The following MYO7B variants were observed in gnomAD, a reference collection of about 807,000 sequenced individuals.
The protein encoded by MYO7B is unconventional myosin-VIIb.
Under a neutral mutation model 259.7 loss-of-function variants are expected in MYO7B, and 212 were observed. That is an observed-to-expected ratio of 0.82 (90% confidence interval 0.73 to 0.91). MYO7B has a LOEUF of 0.91. MYO7B is among the 40% of genes least tolerant of loss of function. The pLI is 0.00. For missense variants in MYO7B, 2,732 were observed against 2,813.5 expected (o/e 0.97, Z 0.66); for synonymous variants, 1,197 against 1,166.4 (o/e 1.03, Z -0.54).
At chr2:127,603,280 A>G (rs1466796165) in intron 19 of MYO7B, among the ~76,000 whole-genome samples, 1 of 152,206 alleles carries the variant, frequency 6.6e-6, no homozygotes, top group Non-Finnish European at 1.5e-5. Context: ...GAAGGTTTTC[A>G]ATGGACTTTG....
chr2:127,637,573 G>A lies in MYO7B; in HGVS notation c.*156G>A. The A allele has an allele frequency of 1.8e-6, 1 of 564,958 alleles. No individual in the cohort carries two copies. The highest frequency in any genetic ancestry group is 3.0e-6 in the Non-Finnish European group (1 of 333,010). 35.0% of individuals were successfully genotyped at this position (564,958 alleles called of 1,614,324 possible). ...CTCAGCCCCGCAGGCGGCCCCCTCT[G>A]TCCTGGGCGCTGCCCAGGGAGGCCA... On this transcript the variant is annotated 3_prime_UTR_variant, in exon 48 of 48. Transcript: ENST00000409816.
intron 38 of MYO7B, 95 bp downstream of exon 38, chr2:127,631,848 G>C: frequency 1.4e-6 from 2 of 1,460,154 alleles, no homozygotes; most frequent in South Asian, 2.7e-5. Context: ...ACCGCAGCTG[G>C]TGGCGGCAGA....
At chr2:127,625,247 G>A (rs1054570263) in intron 30 of MYO7B, 121 bp from the exon 31 acceptor site, 8 of 1,206,246 alleles carry the variant, frequency 6.6e-6, no homozygotes, top group South Asian at 3.6e-5. Flanking sequence ...GGTCCTGCCC[G>A]AGCCACAGGT....
rs763297441 is a variant in MYO7B, at chr2:127,546,976, C to G, written c.-24+11145C>G. On this transcript the variant is annotated intron_variant, in intron 1 of 47. Coordinates refer to ENST00000409816, the MANE Select transcript of MYO7B (RefSeq NM_001393586.1). This position sits in a 1 kb window ranked among gnomAD's most constrained non-coding sequence, Gnocchi z 4.2. The stretch of plus-strand genomic sequence containing the variant: ...TCCATCCATCCATCCACCAATCTAT[C>G]CATCCATCAACCCATCAGTGGATCC... Among the ~76,000 whole-genome samples, 12 of 152,008 alleles carry G rather than the reference C, an allele frequency of 7.9e-5. No homozygotes were observed. The highest frequency in any genetic ancestry group is 1.5e-4 in the Non-Finnish European group (10 of 67,988).
rs1228362828 is a variant in MYO7B, at chr2:127,627,900, G to A, written c.4461-472G>A. ...TCTGGGCTGTGCCAGGTGTACAGTG[G>A]CCACCACTCCCCACTGGCCACCTCT... is the stretch of plus-strand genomic sequence containing the variant. On this transcript the variant is annotated intron_variant, in intron 33 of 47. Coordinates refer to ENST00000409816, the MANE Select transcript of MYO7B (RefSeq NM_001393586.1). This position sits in a 1 kb window ranked among gnomAD's most constrained non-coding sequence, Gnocchi z 5.6. 1 of 459,154 alleles carries A rather than the reference G, an allele frequency of 2.2e-6. No individual in the cohort carries two copies. Among genetic ancestry groups the A allele is most frequent in the African/African-American group, 2.0e-5 (1 of 50,194 alleles). 28.4% of individuals were successfully genotyped at this position (459,154 alleles called of 1,614,324 possible). A position where few individuals can be genotyped will look rare whatever the true frequency, so the allele number is the denominator to read the frequency against.
intron 1 of MYO7B, among the ~76,000 whole-genome samples, chr2:127,549,141 CTTCT>C (rs1158201601): frequency 5.1e-5 from 7 of 136,428 alleles, no homozygotes; most frequent in Admixed American, 2.4e-4. Flanking sequence ...CTCTTTCTTT[CTTCT>C]TTCTTCCTTC....
chr2:127,629,443 C>T (rs753308447), intron 34 of MYO7B, among the ~76,000 whole-genome samples: 1 of 152,124 alleles, frequency 6.6e-6, no homozygotes, highest in Non-Finnish European at 1.5e-5. Context: ...CCACCCTGGG[C>T]TCTGTGCCTG....
At chr2:127,569,274 G>C (rs1365682090) in intron 5 of MYO7B, among the ~76,000 whole-genome samples, 1 of 150,906 alleles carries the variant, frequency 6.6e-6, no homozygotes, top group Non-Finnish European at 1.5e-5. Context: ...CTTTAAAATA[G>C]TACAGGACGG....
chr2:127,612,298 C>G lies in MYO7B; in HGVS notation c.3241C>G (p.Leu1081Val). Residue 1081 changes from leucine to valine, a missense_variant, in exon 25 of 48, where the codon CTG (leucine) becomes GTG (valine). Leu to Val is a conservative substitution (Grantham distance 32, BLOSUM62 1). Transcript: ENST00000409816. ...GACCAAGGATATCTCCTCCATGAAG[C>G]TGAAGCGGTCCTCCCGGATCACAGG... Reference protein sequence around the residue: ...KGTKDISSMKLKRSSRITGQV... With the variant: ...KGTKDISSMKVKRSSRITGQV... 2.5e-6 allele frequency: 2 copies of G among 816,170 alleles called. No individual in the cohort carries two copies. The highest frequency in any genetic ancestry group is 4.0e-6 in the Non-Finnish European group (2 of 494,958). The allele number at this position is 816,170 out of a possible 1,614,324, so 50.6% of individuals were successfully genotyped here.
In MYO7B at chr2:127,566,926, C is replaced by G. The variant is rs1678377313; in HGVS notation, c.470+99C>G. On this transcript the variant is annotated intron_variant, in intron 5 of 47. Transcript: ENST00000409816. ...AGGCGAGATGAGAGCTCTCCCTACT[C>G]CATGGCACACACCCATCTCCACAGC... The G allele has an allele frequency of 3.9e-6, 5 of 1,270,348 alleles. No homozygotes were observed. In the East Asian group the frequency reaches 1.2e-4, roughly 31 times the overall value. The allele number at this position is 1,270,348 out of a possible 1,614,324, so 78.7% of individuals were successfully genotyped here.
chr2:127,541,964 G>T (rs903259547), intron 1 of MYO7B, among the ~76,000 whole-genome samples: 32 of 152,254 alleles, frequency 2.1e-4, no homozygotes, highest in African/African-American at 7.5e-4. Flanking sequence ...ATTTTTGGCA[G>T]TGGGTTGGCT....
intron 37 of MYO7B, 87 bp from the exon 38 acceptor site, chr2:127,631,512 AC>A: frequency 1.3e-6 from 2 of 1,534,898 alleles, no homozygotes; most frequent in Non-Finnish European, 1.8e-6. Flanking sequence ...CACATGGCTC[AC>A]CGCAGGGCCG....
intron 18 of MYO7B, among the ~76,000 whole-genome samples, chr2:127,595,533 A>T: frequency 6.6e-6 from 1 of 151,538 alleles, no homozygotes; most frequent in African/African-American, 2.4e-5. Flanking sequence ...TTTGCTCTTG[A>T]TTCTCTAGTT....
At position 127,631,252 on chromosome 2, in the gene MYO7B, C is replaced by G. The variant is rs772287935; in HGVS notation, c.4984C>G (p.Arg1662Gly). ...MVSMAVLPLA[R>G]ARGHLWAYSC... ...GAGCATGGCCGTGCTGCCCCTGGCC[C>G]GTGCCCGTGGCCACCTGTGGGCCTA... Residue 1662 changes from arginine to glycine, a missense_variant, in exon 37 of 48, where the codon CGT becomes GGT. Physicochemically the swap from Arg to Gly is moderately radical, Grantham distance 125 (BLOSUM62 -2). Transcript: ENST00000409816. The G allele has an allele frequency of 4.3e-6, 7 of 1,610,854 alleles. No individual in the cohort carries two copies. The highest frequency in any genetic ancestry group is 5.1e-6 in the Non-Finnish European group (6 of 1,178,620).
chr2:127,549,141 C>T (rs1359543519), intron 1 of MYO7B, among the ~76,000 whole-genome samples: 2 of 136,330 alleles, frequency 1.5e-5, no homozygotes, highest in Non-Finnish European at 3.1e-5. Context: ...CTCTTTCTTT[C>T]TTCTTTCTTC....
In MYO7B at chr2:127,597,055, A is replaced by G. The variant is rs903131030; in HGVS notation, c.2339+499A>G. ...GCTGGAAACCCAGGCATGAGAAAGT[A>G]GAAGACAGCCAGCCCCGGGAATAGA... On this transcript the variant is annotated intron_variant, in intron 19 of 47. Transcript: ENST00000409816. The surrounding 1 kb of genome is among the most constrained non-coding windows in gnomAD (Gnocchi z 4.8). Among the ~76,000 whole-genome samples, 1 of 152,224 alleles carries G rather than the reference A, an allele frequency of 6.6e-6. No individual in the cohort carries two copies. Among genetic ancestry groups the G allele is most frequent in the Non-Finnish European group, 1.5e-5 (1 of 68,040 alleles).
chr2:127,636,606 T>C lies in MYO7B; in HGVS notation c.6185T>C (p.Leu2062Pro), dbSNP rs1338659946. ...ATCGCCATCAACCGACATGGGGTTC[T>C]GCTCATCCACCCCAAGACCAAGGTA... ...ILIAINRHGV[L>P]LIHPKTKDLL... Residue 2062 changes from leucine (L) to proline (P), a missense_variant, in exon 46 of 48, where the codon CTG becomes CCG. Coordinates refer to ENST00000409816, the MANE Select transcript of MYO7B (RefSeq NM_001393586.1). The surrounding 1 kb of genome is among the most constrained non-coding windows in gnomAD (Gnocchi z 4.5). 1.9e-6 allele frequency: 3 copies of C among 1,612,782 alleles called. No homozygotes were observed. Among genetic ancestry groups the C allele is most frequent in the Non-Finnish European group, 2.5e-6 (3 of 1,179,388 alleles).
intron 27 of MYO7B, 112 bp downstream of exon 27, chr2:127,620,578 T>C (rs1680796456): frequency 1.6e-6 from 2 of 1,287,620 alleles, no homozygotes; most frequent in Non-Finnish European, 2.0e-6. Context: ...CCATTTCTCC[T>C]GCTCCTGCAG....
At chr2:127,548,302 T>G (rs1454236786) in intron 1 of MYO7B, among the ~76,000 whole-genome samples, 2 of 152,154 alleles carry the variant, frequency 1.3e-5, no homozygotes, top group African/African-American at 4.8e-5. Context: ...CTGTTTCCAA[T>G]GTCATTGATT....
Sources: gnomAD v4.1 joint callset for allele counts (sites outside exome capture counted in the v4.1 genomes callset) on GRCh38, gnomAD v4.1.1 for gene constraint, Gnocchi (gnomAD v3.1) non-coding constraint, MANE v1.5 for transcripts, NCBI Gene and HGNC (gene_info 2026-07-23, HGNC 2026-07-21) for gene names.